Variants in SF3A3 observed in about 807,000 individuals in gnomAD.
The protein encoded by SF3A3 is splicing factor 3a subunit 3, also known as SAP 61.
In SF3A3, 9 loss-of-function variants were observed where a neutral mutation model predicts 85.8. The ratio of observed to expected loss-of-function variants is 0.10; its 90% CI spans 0.06 to 0.18. The LOEUF (loss-of-function observed/expected upper bound fraction) is 0.18. SF3A3 is among the 10% of genes least tolerant of loss of function. SF3A3 has a pLI of 1.00. For synonymous variants in SF3A3, 195 were observed against 204.4 expected (o/e 0.95, Z 0.39); for missense variants, 306 against 593.3 (o/e 0.52, Z 5.03).
Position 37,976,948 on chromosome 1 carries a change from G to A in SF3A3, c.941C>T (p.Thr314Ile). The A allele has an allele frequency of 1.2e-6, 2 of 1,606,714 alleles. No homozygotes were observed. The highest frequency in any genetic ancestry group is 1.7e-6 in the Non-Finnish European group (2 of 1,173,708). ...NPKSKGTKRD[T>I]ERNKDIAFLE... ...AAAAGCAATGTCTTTGTTCCTTTCA[G>A]TGTCTCTGAGAAAAAGAAACAAGCT... is the stretch of plus-strand genomic sequence containing the variant. The change falls in exon 12 of 17, where the codon ACT becomes ATT. Residue 314 changes from threonine to isoleucine, a missense_variant. By Grantham distance (89) the Thr-to-Ile change is moderately conservative. Coordinates refer to ENST00000373019, the MANE Select transcript of SF3A3 (RefSeq NM_006802.4).
chr1:37,986,227 CGT>C (rs1446724100), intron 4 of SF3A3, among the ~76,000 whole-genome samples: 2 of 152,080 alleles, frequency 1.3e-5, no homozygotes, highest in Non-Finnish European at 2.9e-5. Flanking sequence ...GGATTACAGG[CGT>C]GAGTCACTGC....
intron 2 of SF3A3, 57 bp from the exon 3 acceptor site, chr1:37,987,893 A>G: frequency 7.1e-7 from 1 of 1,415,726 alleles, no homozygotes. Context: ...TGTAGAGCTA[A>G]GCAAACAACA....
chr1:37,983,025 G>C (rs530130678), intron 6 of SF3A3, among the ~76,000 whole-genome samples: 1 of 151,390 alleles, frequency 6.6e-6, no homozygotes, highest in South Asian at 2.1e-4. Flanking sequence ...CGCGACCTCC[G>C]CCTCCTGGGT....
chr1:37,971,306 G>A (rs1480200408), intron 12 of SF3A3, among the ~76,000 whole-genome samples: 1 of 152,106 alleles, frequency 6.6e-6, no homozygotes, highest in Non-Finnish European at 1.5e-5. Flanking sequence ...ACTAAACCAG[G>A]AAGAAGTTGA....
intron 9 of SF3A3, 90 bp from the exon 10 acceptor site, chr1:37,979,145 T>A: frequency 9.8e-7 from 1 of 1,023,590 alleles, no homozygotes; most frequent in Non-Finnish European, 1.5e-6. Flanking sequence ...TTCCTGAGGC[T>A]GTGGCAGGAC....
chr1:37,965,824 G>C (rs1301402208), intron 15 of SF3A3, among the ~76,000 whole-genome samples: 3 of 151,680 alleles, frequency 2.0e-5, no homozygotes, highest in Admixed American at 1.3e-4. Flanking sequence ...ATTTAACAGT[G>C]GGGGGTGGGA....
intron 4 of SF3A3, among the ~76,000 whole-genome samples, chr1:37,986,811 C>A (rs1391374766): frequency 2.4e-3 from 150 of 62,194 alleles, no homozygotes; most frequent in South Asian, 8.3e-3. Context: ...GACTCCATCT[C>A]AAAAAAAAAA....
At chr1:37,986,904 T>G (rs1646461402) in intron 4 of SF3A3, among the ~76,000 whole-genome samples, 1 of 150,348 alleles carries the variant, frequency 6.7e-6, no homozygotes, top group South Asian at 2.1e-4. Flanking sequence ...GAAAGTAGGA[T>G]TAGGACAGGA....
intron 3 of SF3A3, 32 bp downstream of exon 3, chr1:37,987,752 T>C: frequency 1.2e-6 from 2 of 1,606,934 alleles, no homozygotes; most frequent in South Asian, 1.1e-5. Context: ...TCAGAAGCAC[T>C]AACTCCTGGA....
chr1:37,973,361 A>G (rs904264249), intron 12 of SF3A3, among the ~76,000 whole-genome samples: 1 of 152,248 alleles, frequency 6.6e-6, no homozygotes, highest in Admixed American at 6.5e-5. Context: ...ATGTAATTAC[A>G]CTAAAGAGCT....
intron 8 of SF3A3, 47 bp from the exon 9 acceptor site, chr1:37,979,580 G>A (rs117614067): frequency 6.7e-7 from 1 of 1,482,316 alleles, no homozygotes; most frequent in East Asian, 2.3e-5. Flanking sequence ...TTTAGGCCAG[G>A]TGTGGTGGCT....
rs561846295 is a variant in SF3A3 at position 37,978,843 on chromosome 1, G to A, written c.828-16C>T. On this transcript the variant is annotated splice_polypyrimidine_tract_variant and intron_variant, in intron 10 of 16. Coordinates refer to ENST00000373019, the MANE Select transcript of SF3A3 (RefSeq NM_006802.4). ...TTCTAGGGTCCTAAGGAGACAGGAC[G>A]GCAAAGGATTTTAGGGTTACTTTAC... is the stretch of plus-strand genomic sequence containing the variant. 1.5e-5 allele frequency: 24 copies of A among 1,570,138 alleles called. No individual in the cohort carries two copies. The highest frequency in any genetic ancestry group is 1.9e-5 in the Admixed American group (1 of 53,550).
At position 37,960,185 on chromosome 1, in the gene SF3A3, G is replaced by A. The variant is rs1194391188; in HGVS notation, c.1373-10C>T. 5 of 1,613,506 alleles carry A rather than the reference G, an allele frequency of 3.1e-6. No individual in the cohort carries two copies. The highest frequency in any genetic ancestry group is 2.7e-5 in the African/African-American group (2 of 74,878). On this transcript the variant is annotated splice_polypyrimidine_tract_variant and intron_variant, in intron 15 of 16. Transcript: ENST00000373019. ...TTCAGTTTGGCCCACACTGCAGGAT[G>A]AGAAATGAACAGCAATCAGGATGGA...
At chr1:37,965,580 A>G (rs771032654) in intron 15 of SF3A3, among the ~76,000 whole-genome samples, 1 of 151,660 alleles carries the variant, frequency 6.6e-6, no homozygotes, top group Non-Finnish European at 1.5e-5. Context: ...ATGGTGACAC[A>G]CCATCTTTAC....
intron 15 of SF3A3, among the ~76,000 whole-genome samples, chr1:37,965,735 C>T (rs534568205): frequency 2.1e-5 from 3 of 145,992 alleles, no homozygotes; most frequent in Non-Finnish European, 4.4e-5. Context: ...GCCTGGGCAA[C>T]AGAGTTGGAA....
At chr1:37,982,605 C>A (rs1370585387) in intron 6 of SF3A3, among the ~76,000 whole-genome samples, 1 of 152,148 alleles carries the variant, frequency 6.6e-6, no homozygotes, top group Non-Finnish European at 1.5e-5. Context: ...CACCTGACCT[C>A]AGGTGATCCA....
intron 15 of SF3A3, among the ~76,000 whole-genome samples, chr1:37,961,546 T>C (rs1177370727): frequency 6.7e-6 from 1 of 150,354 alleles, no homozygotes. Flanking sequence ...ATAACACCAC[T>C]GCACTCCAGT....
chr1:37,967,677 C>CAAAAAAAAAAAAA (rs34369006), intron 15 of SF3A3, among the ~76,000 whole-genome samples: 1 of 44,236 alleles, frequency 2.3e-5, no homozygotes, highest in Non-Finnish European at 3.7e-5. Context: ...GACTCCGTCA[C>CAAAAAAAAAAAAA]AAAAAAAAAA....
chr1:37,989,798 C>A, intron 1 of SF3A3, 72 bp downstream of exon 1: 1 of 1,357,068 alleles, frequency 7.4e-7, no homozygotes, highest in Non-Finnish European at 1.1e-6. Context: ...AGGGCCAAAG[C>A]AAGCTCTCAG....
Sources: allele counts gnomAD v4.1 joint callset (sites outside exome capture counted in the v4.1 genomes callset), GRCh38; gene constraint gnomAD v4.1.1; transcripts MANE v1.5; gene names NCBI Gene and HGNC (gene_info 2026-07-23, HGNC 2026-07-21).